Variants in CTNNA2 observed in about 807,000 individuals in gnomAD.
CTNNA2 encodes catenin alpha-2.
A neutral mutation model predicts 101.0 loss-of-function variants in CTNNA2; 42 were observed. The ratio of observed to expected loss-of-function variants is 0.42; its 90% CI spans 0.32 to 0.54. The LOEUF (loss-of-function observed/expected upper bound fraction) is 0.54, where lower values mean the gene tolerates loss of function less well. Among genes scored for constraint, CTNNA2 ranks in the 20% least tolerant of loss-of-function variants. The pLI is 0.14. For missense variants in CTNNA2, 871 were observed against 1,223.1 expected, an observed-to-expected ratio of 0.71 and a Z score of 4.29; for synonymous variants, 450 against 456.4, an observed-to-expected ratio of 0.99 and a Z score of 0.18.
intron 1 of CTNNA2, among the ~76,000 whole-genome samples, chr2:79,555,279 A>G (rs1278669518): frequency 1.3e-5 from 2 of 152,188 alleles, no homozygotes; most frequent in Non-Finnish European, 2.9e-5. Context: ...ACACTGGAAT[A>G]TAGTGTAGCT....
chr2:80,551,490 T>C (rs1197725279), intron 11 of CTNNA2, among the ~76,000 whole-genome samples: 1 of 152,242 alleles, frequency 6.6e-6, no homozygotes, highest in Admixed American at 6.5e-5. Flanking sequence ...TCAATGATCT[T>C]AGCTAGATCT....
intron 3 of CTNNA2, among the ~76,000 whole-genome samples, chr2:79,757,136 C>G (rs1289679990): frequency 6.6e-6 from 1 of 152,084 alleles, no homozygotes; most frequent in East Asian, 1.9e-4. Context: ...CTAAAATAAA[C>G]TTAGAATAAT....
At chr2:79,186,951 T>G (rs1040135751) in intron 1 of CTNNA2, among the ~76,000 whole-genome samples, 4 of 152,208 alleles carry the variant, frequency 2.6e-5, no homozygotes, top group Admixed American at 6.5e-5. Context: ...ACAGTTTTCC[T>G]GCATTTCTAC....
At chr2:79,961,577 G>A (rs1451631974) in intron 7 of CTNNA2, among the ~76,000 whole-genome samples, 1 of 152,002 alleles carries the variant, frequency 6.6e-6, no homozygotes, top group East Asian at 1.9e-4. Flanking sequence ...AATCCCAGCA[G>A]TTTGGGAGGC....
intron 9 of CTNNA2, among the ~76,000 whole-genome samples, chr2:80,446,435 T>C (rs1034300270): frequency 5.3e-5 from 8 of 152,270 alleles, no homozygotes; most frequent in Non-Finnish European, 1.0e-4. Flanking sequence ...ATTCAAGTGA[T>C]AGACTATATG....
chr2:79,833,360 T>G (rs1259628057), intron 3 of CTNNA2, among the ~76,000 whole-genome samples: 1 of 152,158 alleles, frequency 6.6e-6, no homozygotes, highest in Non-Finnish European at 1.5e-5. Flanking sequence ...TGCCTTTTTT[T>G]TCTTTCCCTT....
At position 79,891,252 on chromosome 2, in the gene CTNNA2, A is replaced by G. The variant is rs114263123; in HGVS notation, c.852+16910A>G. On this transcript the variant is annotated intron_variant, in intron 6 of 18. Coordinates refer to ENST00000402739, the MANE Select transcript of CTNNA2 (RefSeq NM_001282597.3). ...TTCTGTGCCTACCAAAACTGACCAG[A>G]TTTGCATGGAAGTTAAGAATCGTGT... 3.3e-3 allele frequency among the ~76,000 whole-genome samples: 496 copies of G among 152,214 alleles called. 5 individuals are homozygous for G. The highest frequency in any genetic ancestry group is 0.011 in the African/African-American group (473 of 41,534).
intron 2 of CTNNA2, among the ~76,000 whole-genome samples, chr2:79,653,055 A>G (rs1222172591): frequency 6.6e-6 from 1 of 152,154 alleles, no homozygotes; most frequent in African/African-American, 2.4e-5. Context: ...CAGGCATAGG[A>G]TAACAGTTAC....
chr2:79,851,874 T>C (rs978042187), intron 3 of CTNNA2, among the ~76,000 whole-genome samples: 1 of 151,246 alleles, frequency 6.6e-6, no homozygotes, highest in African/African-American at 2.4e-5. Context: ...CCTGAGTAGC[T>C]GGGATTACAG....
chr2:79,318,216 C>A (rs1339470911), intron 3 of CTNNA2, among the ~76,000 whole-genome samples: 1 of 151,620 alleles, frequency 6.6e-6, no homozygotes, highest in Admixed American at 6.6e-5. Context: ...GCATATATAC[C>A]CACATGTATT....
At chr2:80,583,223 C>A (rs1695691020) in intron 14 of CTNNA2, among the ~76,000 whole-genome samples, 1 of 152,084 alleles carries the variant, frequency 6.6e-6, no homozygotes. Flanking sequence ...ATAATAGGCA[C>A]AATATTAGAC....
intron 4 of CTNNA2, among the ~76,000 whole-genome samples, chr2:79,462,208 C>A (rs1670886151): frequency 2.0e-5 from 3 of 152,112 alleles, no homozygotes; most frequent in Admixed American, 2.0e-4. Context: ...ATTCTGTCAA[C>A]TTGTTATTTT....
chr2:80,630,336 A>AGTCTCTCT (rs1164638930), intron 18 of CTNNA2, among the ~76,000 whole-genome samples: 2 of 152,132 alleles, frequency 1.3e-5, no homozygotes, highest in Non-Finnish European at 2.9e-5. Context: ...ATATTTACCT[A>AGTCTCTCT]GTCTCTCTGT....
intron 7 of CTNNA2, among the ~76,000 whole-genome samples, chr2:80,157,553 C>T (rs1458013332): frequency 6.6e-6 from 1 of 151,994 alleles, no homozygotes; most frequent in African/African-American, 2.4e-5. Flanking sequence ...TTTTGTTTAT[C>T]AAAACCGTAT....
intron 7 of CTNNA2, among the ~76,000 whole-genome samples, chr2:79,941,316 A>C (rs890402924): frequency 6.6e-5 from 10 of 152,166 alleles, no homozygotes; most frequent in Admixed American, 2.0e-4. Flanking sequence ...CTATTTCAGG[A>C]CAGATTGCAT....
intron 2 of CTNNA2, among the ~76,000 whole-genome samples, chr2:79,262,081 T>A (rs568629691): frequency 6.6e-6 from 1 of 152,154 alleles, no homozygotes; most frequent in Non-Finnish European, 1.5e-5. Context: ...GATTTTAACA[T>A]CACTCAAGTG....
intron 1 of CTNNA2, among the ~76,000 whole-genome samples, chr2:79,535,915 T>C (rs1482460142): frequency 6.6e-6 from 1 of 152,190 alleles, no homozygotes; most frequent in Non-Finnish European, 1.5e-5. Flanking sequence ...TGCCTTGCCA[T>C]AAAATATCAC....
chr2:79,425,263 G>T (rs1678581442), intron 4 of CTNNA2, among the ~76,000 whole-genome samples: 1 of 152,164 alleles, frequency 6.6e-6, no homozygotes, highest in Non-Finnish European at 1.5e-5. Context: ...GGGAGTCACA[G>T]AAGACCGGTT....
intron 1 of CTNNA2, among the ~76,000 whole-genome samples, chr2:79,551,416 G>A (rs911147364): frequency 6.6e-6 from 1 of 152,134 alleles, no homozygotes; most frequent in Non-Finnish European, 1.5e-5. Flanking sequence ...AGGGTGCTCA[G>A]GGAATTACAT....
Sources: allele counts gnomAD v4.1 joint callset (sites outside exome capture counted in the v4.1 genomes callset), GRCh38; gene constraint gnomAD v4.1.1; transcripts MANE v1.5; gene names NCBI Gene and HGNC (gene_info 2026-07-23, HGNC 2026-07-21).